The following FLVCR1 variants were observed in gnomAD, a reference collection of about 807,000 sequenced individuals.
FLVCR1 encodes the protein FLVCR choline and heme transporter 1.
FLVCR1 carries 34 observed loss-of-function variants against 53.6 expected under a neutral mutation model. The ratio of observed to expected loss-of-function variants is 0.63; its 90% CI spans 0.48 to 0.84. The LOEUF is 0.84. Ranked by LOEUF, FLVCR1 falls within the 40% of genes least tolerant of loss-of-function variation. The probability of loss-of-function intolerance (pLI) is 0.00; values close to 1 mark genes in which losing one functional copy is unlikely to be tolerated. For missense variants in FLVCR1, 677 were observed against 696.7 expected (o/e 0.97, Z 0.32); for synonymous variants, 300 against 286.3 (o/e 1.05, Z -0.48).
chr1:212,872,719 G>A lies in FLVCR1; in HGVS notation c.925G>A (p.Ala309Thr). Residue 309 changes from alanine (A) to threonine (T), a missense_variant, in exon 3 of 10, where the codon GCA becomes ACA. Transcript: ENST00000366971. ...KPRYPPSQAQ[A>T]ALQDSPPEEY... ...TCGGTATCCACCAAGTCAGGCTCAA[G>A]CAGCTCTTCAAGACAGTCCCCCTGA... 6.2e-7 allele frequency: 1 copy of A among 1,613,714 alleles called. No homozygotes were observed. Among genetic ancestry groups the A allele is most frequent in the Non-Finnish European group, 8.5e-7 (1 of 1,179,816 alleles).
chr1:212,894,897 AT>A, intron 8 of FLVCR1, 88 bp from the exon 9 acceptor site: 1 of 866,904 alleles, frequency 1.2e-6, no homozygotes, highest in Non-Finnish European at 2.0e-6. Flanking sequence ...AGTGCATTAA[AT>A]TTGACAATAC....
chr1:212,886,039 G>GTTT (rs1477656980), intron 5 of FLVCR1, among the ~76,000 whole-genome samples: 821 of 66,248 alleles, frequency 0.012, 13 homozygotes, highest in African/African-American at 0.045. Flanking sequence ...ACTTTATCTT[G>GTTT]TTCTTTTTTT....
At chr1:212,874,646 A>G (rs982083448) in intron 3 of FLVCR1, among the ~76,000 whole-genome samples, 1 of 148,116 alleles carries the variant, frequency 6.8e-6, no homozygotes, top group African/African-American at 2.5e-5. Flanking sequence ...CTCCTGCTTC[A>G]GCCTCCCTAG....
At chr1:212,871,135 T>G (rs1664583994) in intron 2 of FLVCR1, among the ~76,000 whole-genome samples, 1 of 152,200 alleles carries the variant, frequency 6.6e-6, no homozygotes. Context: ...ATGAAATCTC[T>G]GAAATCAAGA....
At chr1:212,874,400 G>A (rs1036077445) in intron 3 of FLVCR1, among the ~76,000 whole-genome samples, 1 of 151,986 alleles carries the variant, frequency 6.6e-6, no homozygotes, top group African/African-American at 2.4e-5. Flanking sequence ...TCTTAATTTT[G>A]CTGGTTATCT....
chr1:212,860,488 A>G (rs1015192011), intron 1 of FLVCR1, among the ~76,000 whole-genome samples: 2 of 151,196 alleles, frequency 1.3e-5, no homozygotes, highest in Non-Finnish European at 2.9e-5. Context: ...ACGCCCGGCC[A>G]TGATTACATT....
intron 9 of FLVCR1, 68 bp from the exon 10 acceptor site, chr1:212,895,148 A>G: frequency 7.1e-7 from 1 of 1,401,604 alleles, no homozygotes; most frequent in South Asian, 1.2e-5. Flanking sequence ...TCCCGAGTCA[A>G]CTGTTGATCT....
At chr1:212,893,065 T>TTAG in intron 8 of FLVCR1, among the ~76,000 whole-genome samples, 1 of 142,308 alleles carries the variant, frequency 7.0e-6, no homozygotes, top group South Asian at 2.3e-4. Context: ...TCTTTTTTTT[T>TTAG]GGGGGGGGGT....
intron 4 of FLVCR1, among the ~76,000 whole-genome samples, chr1:212,884,054 T>C (rs995949686): frequency 3.1e-4 from 47 of 152,298 alleles, no homozygotes; most frequent in African/African-American, 1.1e-3. Flanking sequence ...ACGCCTGTAA[T>C]CCCAGCACTT....
At chr1:212,863,013 TTG>T (rs973779174) in intron 1 of FLVCR1, among the ~76,000 whole-genome samples, 10 of 152,244 alleles carry the variant, frequency 6.6e-5, no homozygotes, top group African/African-American at 2.4e-4. Context: ...TATTGCTTTT[TTG>T]TTGTTGAGCT....
chr1:212,880,171 T>C (rs1664884959), intron 3 of FLVCR1, among the ~76,000 whole-genome samples: 1 of 152,076 alleles, frequency 6.6e-6, no homozygotes. Flanking sequence ...CAGTGGGAAG[T>C]TGAATAACAA....
At chr1:212,877,312 C>G (rs1177179184) in intron 3 of FLVCR1, among the ~76,000 whole-genome samples, 1 of 151,760 alleles carries the variant, frequency 6.6e-6, no homozygotes. Flanking sequence ...ATTATCTCCC[C>G]AATTAGATGA....
intron 8 of FLVCR1, among the ~76,000 whole-genome samples, chr1:212,894,110 AT>A (rs34844418): frequency 3.3e-5 from 5 of 150,020 alleles, no homozygotes; most frequent in Middle Eastern, 3.4e-3. Context: ...ATGTAGATTG[AT>A]TTTTTTTTTT....
rs1002188742 is a variant in FLVCR1, at chr1:212,899,239, T to C, written c.*3949T>C. 3 of 152,370 alleles carry C rather than the reference T, an allele frequency of 2.0e-5. No individual in the cohort carries two copies. The highest frequency in any genetic ancestry group is 2.0e-4 in the Admixed American group (3 of 15,302). 9.4% of individuals were successfully genotyped at this position (152,370 alleles called of 1,614,324 possible). On this transcript the variant is annotated 3_prime_UTR_variant, in exon 10 of 10. Transcript: ENST00000366971. ...TGTGTAAAAATGTGTCTGTATGCAA[T>C]AGCTAGAAAAATGCCTGTGTCTTAA...
intron 3 of FLVCR1, among the ~76,000 whole-genome samples, chr1:212,881,612 C>T (rs1263352761): frequency 6.6e-6 from 1 of 152,132 alleles, no homozygotes; most frequent in Non-Finnish European, 1.5e-5. Flanking sequence ...CCACCTGCCT[C>T]AGCCTCCCAA....
At chr1:212,876,430 A>G (rs1316024801) in intron 3 of FLVCR1, among the ~76,000 whole-genome samples, 3 of 151,160 alleles carry the variant, frequency 2.0e-5, no homozygotes, top group Non-Finnish European at 1.5e-5. Context: ...AGTGCACACA[A>G]TCTCGGCTCA....
intron 2 of FLVCR1, among the ~76,000 whole-genome samples, chr1:212,869,217 C>T (rs1414754400): frequency 1.3e-5 from 2 of 152,306 alleles, no homozygotes; most frequent in African/African-American, 4.8e-5. Flanking sequence ...TGGAGAATAA[C>T]TGCTTCAAAT....
intron 8 of FLVCR1, among the ~76,000 whole-genome samples, chr1:212,892,620 A>G (rs1215497176): frequency 3.3e-5 from 5 of 152,200 alleles, no homozygotes; most frequent in African/African-American, 9.7e-5. Context: ...AAGATGTACG[A>G]GGAGATCAAT....
At chr1:212,894,749 A>G (rs1316780694) in intron 8 of FLVCR1, among the ~76,000 whole-genome samples, 3 of 152,088 alleles carry the variant, frequency 2.0e-5, no homozygotes, top group African/African-American at 7.2e-5. Flanking sequence ...AAAGAATTAC[A>G]CTTTTCATTT....
Sources: gnomAD v4.1 joint callset for allele counts (sites outside exome capture counted in the v4.1 genomes callset) on GRCh38, gnomAD v4.1.1 for gene constraint, MANE v1.5 for transcripts, NCBI Gene and HGNC (gene_info 2026-07-23, HGNC 2026-07-21) for gene names.